Variants in DLGAP2 observed in about 807,000 individuals in gnomAD.
DLGAP2 encodes disks large-associated protein 2.
A neutral mutation model predicts 100.3 loss-of-function variants in DLGAP2; 26 were observed. The observed-to-expected ratio is 0.26, with a 90% CI of 0.19 to 0.36. The LOEUF is 0.36. Among genes scored for constraint, DLGAP2 ranks in the 10% least tolerant of loss-of-function variants. DLGAP2 has a pLI of 1.00. For synonymous variants in DLGAP2, 886 were observed against 630.1 expected, an observed-to-expected ratio of 1.41 and a Z score of -6.08; for missense variants, 1,858 against 1,453.2, an observed-to-expected ratio of 1.28 and a Z score of -4.53.
At chr8:963,052 T>A (rs1799764414) in intron 2 of DLGAP2, among the ~76,000 whole-genome samples, 1 of 152,178 alleles carries the variant, frequency 6.6e-6, no homozygotes, top group Non-Finnish European at 1.5e-5. Context: ...CATCCGGGAC[T>A]GTGTGGGCTT....
chr8:1,002,460 C>T (rs1222831864), intron 2 of DLGAP2: 6 of 152,220 alleles, frequency 3.9e-5, no homozygotes, highest in Non-Finnish European at 8.8e-5. Flanking sequence ...GGAAAACATT[C>T]AGTAAAATAT....
intron 8 of DLGAP2, among the ~76,000 whole-genome samples, chr8:1,633,476 C>G (rs1282155131): frequency 1.3e-5 from 2 of 152,158 alleles, no homozygotes; most frequent in Admixed American, 6.5e-5. Flanking sequence ...GTAAACATGA[C>G]TCACCGCCGC....
chr8:1,347,183 C>G (rs1379869118), intron 3 of DLGAP2, among the ~76,000 whole-genome samples: 3 of 151,940 alleles, frequency 2.0e-5, no homozygotes, highest in Non-Finnish European at 4.4e-5. Flanking sequence ...CTGCATTGCT[C>G]TCATGGCGGC....
chr8:1,636,031 C>G (rs768910641), intron 8 of DLGAP2, among the ~76,000 whole-genome samples: 1 of 152,206 alleles, frequency 6.6e-6, no homozygotes, highest in Non-Finnish European at 1.5e-5. Context: ...CCCACCGTTT[C>G]TCTCATTATG....
At chr8:1,581,929 C>T (rs993167706) in intron 6 of DLGAP2, among the ~76,000 whole-genome samples, 4 of 151,300 alleles carry the variant, frequency 2.6e-5, no homozygotes, top group African/African-American at 9.7e-5. Flanking sequence ...CATCTACACA[C>T]CACAGTCAAA....
At chr8:1,303,763 A>G (rs1800423034) in intron 3 of DLGAP2, among the ~76,000 whole-genome samples, 1 of 152,034 alleles carries the variant, frequency 6.6e-6, no homozygotes, top group African/African-American at 2.4e-5. Flanking sequence ...TTTGCTTCTC[A>G]TAGGGGCTAA....
chr8:812,335 G>T (rs958125337), intron 1 of DLGAP2, among the ~76,000 whole-genome samples: 1 of 152,184 alleles, frequency 6.6e-6, no homozygotes, highest in Non-Finnish European at 1.5e-5. Context: ...GCCCATGGGG[G>T]ATGGTGAGGG....
At chr8:962,155 A>C (rs554457565) in intron 2 of DLGAP2, among the ~76,000 whole-genome samples, 2 of 152,174 alleles carry the variant, frequency 1.3e-5, no homozygotes, top group Non-Finnish European at 2.9e-5. Flanking sequence ...TTTTCTTATA[A>C]TTTGCATTAT....
At chr8:1,507,914 G>A (rs1036772392) in intron 4 of DLGAP2, among the ~76,000 whole-genome samples, 5 of 147,270 alleles carry the variant, frequency 3.4e-5, no homozygotes, top group Admixed American at 2.0e-4. Flanking sequence ...TGGGAGCATC[G>A]TGACCACACA....
At chr8:1,317,339 C>T (rs1306713192) in intron 3 of DLGAP2, among the ~76,000 whole-genome samples, 13 of 131,812 alleles carry the variant, frequency 9.9e-5, no homozygotes, top group African/African-American at 3.8e-4. Flanking sequence ...AGCGTCTCTC[C>T]AACAGTGGTC....
intron 2 of DLGAP2, among the ~76,000 whole-genome samples, chr8:984,225 G>A (rs1488515533): frequency 6.6e-6 from 1 of 152,150 alleles, no homozygotes; most frequent in Non-Finnish European, 1.5e-5. Flanking sequence ...CTGACCTTGG[G>A]CACAGCACAG....
At chr8:1,579,950 G>A (rs1310297613) in intron 6 of DLGAP2, among the ~76,000 whole-genome samples, 1 of 152,184 alleles carries the variant, frequency 6.6e-6, no homozygotes, top group Non-Finnish European at 1.5e-5. Flanking sequence ...CCGCAGGGCA[G>A]CACGACTCAG....
intron 8 of DLGAP2, among the ~76,000 whole-genome samples, chr8:1,662,243 A>G (rs1320732406): frequency 6.6e-6 from 1 of 152,260 alleles, no homozygotes; most frequent in African/African-American, 2.4e-5. Flanking sequence ...TTGAAAGCCC[A>G]TTTCATATAA....
chr8:1,529,887 C>T (rs1244131318), intron 4 of DLGAP2, among the ~76,000 whole-genome samples: 2 of 152,174 alleles, frequency 1.3e-5, no homozygotes, highest in Non-Finnish European at 2.9e-5. Context: ...CCACAAAAAC[C>T]AGCACGTTTT....
rs145255551 is a variant in DLGAP2, at chr8:1,680,382, C to T, written c.2704+1753C>T. Among the ~76,000 whole-genome samples, 154 of 152,346 alleles carry T rather than the reference C, an allele frequency of 1.0e-3. 1 individual carries two copies. Among genetic ancestry groups the T allele is most frequent in the African/African-American group, 1.9e-3 (80 of 41,580 alleles). ...ATTGACTATGACTTACAGAGAATAACGGCCTTGGAGCCTCGGCAGTCTGAG... is the reference window on the plus strand; with the variant it reads ...ATTGACTATGACTTACAGAGAATAATGGCCTTGGAGCCTCGGCAGTCTGAG... On this transcript the variant is annotated intron_variant, in intron 12 of 14. Transcript: ENST00000637795.
At chr8:867,830 G>C (rs1369630463) in intron 1 of DLGAP2, among the ~76,000 whole-genome samples, 1 of 152,216 alleles carries the variant, frequency 6.6e-6, no homozygotes, top group African/African-American at 2.4e-5. Context: ...TGAGATGTGA[G>C]CTGAGCATTA....
intron 2 of DLGAP2, among the ~76,000 whole-genome samples, chr8:978,883 AG>A (rs1438888239): frequency 1.3e-5 from 2 of 152,228 alleles, no homozygotes; most frequent in African/African-American, 4.8e-5. Context: ...AAATACTCAT[AG>A]CCAAAAATGT....
intron 1 of DLGAP2, among the ~76,000 whole-genome samples, chr8:884,691 A>G (rs148899292): frequency 1.3e-4 from 20 of 151,692 alleles, no homozygotes; most frequent in South Asian, 4.2e-4. Flanking sequence ...GCATTTTTCA[A>G]TGAAGTCTTT....
rs12542673 is a variant in DLGAP2, at chr8:1,344,131, G to A, written c.106+85248G>A. On this transcript the variant is annotated intron_variant, in intron 3 of 14. Coordinates refer to ENST00000637795, the MANE Select transcript of DLGAP2 (RefSeq NM_001346810.2). ...TCCATGTATTCGGGGCCCTGTCGTG[G>A]GTCCGTGTACTCGGGGCCCTGTCGT... 9.3e-4 allele frequency among the ~76,000 whole-genome samples: 105 copies of A among 112,788 alleles called. 1 individual carries two copies. The highest frequency in any genetic ancestry group is 5.9e-3 in the East Asian group (14 of 2,392). 74.0% of individuals were successfully genotyped at this position (112,788 alleles called of 152,430 possible). A position where few individuals can be genotyped will look rare whatever the true frequency, so the allele number is the denominator to read the frequency against.
Sources: gnomAD v4.1 joint callset for allele counts (sites outside exome capture counted in the v4.1 genomes callset) on GRCh38, gnomAD v4.1.1 for gene constraint, MANE v1.5 for transcripts, NCBI Gene and HGNC (gene_info 2026-07-23, HGNC 2026-07-21) for gene names.